The following WASL variants were observed in gnomAD, a reference collection of about 807,000 sequenced individuals.
The protein encoded by WASL is WASP like actin nucleation promoting factor, also known as actin nucleation-promoting factor WASL.
WASL carries 20 observed loss-of-function variants against 55.5 expected under a neutral mutation model. That is an observed-to-expected ratio of 0.36 (90% CI 0.25 to 0.52). WASL has a LOEUF of 0.52. Ranked by LOEUF, WASL falls within the 20% of genes least tolerant of loss-of-function variation. The pLI, the probability that WASL is intolerant of heterozygous loss-of-function variation, is 0.92. For synonymous variants in WASL, 249 were observed against 217.6 expected (o/e 1.14, Z -1.27); for missense variants, 504 against 622.5 (o/e 0.81, Z 2.03).
Position 123,696,673 on chromosome 7 carries a change from C to G in WASL, c.535G>C (p.Val179Leu), listed in dbSNP as rs768007010. ...ITTNRFYGPQ[V>L]NNISHTKEKK... ...TCTTTGGTATGGGAGATGTTGTTGACTTGTGGACCATAAAATCTATTTGTT... is the reference window on the plus strand; with the variant it reads ...TCTTTGGTATGGGAGATGTTGTTGAGTTGTGGACCATAAAATCTATTTGTT... Residue 179 changes from valine (V) to leucine (L), a missense_variant, in exon 6 of 11, where the codon GTC (valine) becomes CTC (leucine). Coordinates refer to ENST00000223023, the MANE Select transcript of WASL (RefSeq NM_003941.4). 1 of 1,605,346 alleles carries G rather than the reference C, an allele frequency of 6.2e-7. No individual in the cohort carries two copies. Among genetic ancestry groups the G allele is most frequent in the East Asian group, 2.3e-5 (1 of 44,240 alleles).
Position 123,739,364 on chromosome 7 carries a change from C to T in WASL, c.117+9254G>A, listed in dbSNP as rs558586899. 2.2e-3 allele frequency among the ~76,000 whole-genome samples: 337 copies of T among 152,324 alleles called. 1 individual carries two copies. The highest frequency in any genetic ancestry group is 0.017 in the Middle Eastern group (5 of 294). On this transcript the variant is annotated intron_variant, in intron 1 of 10. Transcript: ENST00000223023. ...TTCTATACACATTTTCTATCCCAAA[C>T]TTTTGTTTACACATTTCCTGATATA...
In WASL at chr7:123,706,071, GATA is replaced by G. The variant is rs1420023742; in HGVS notation, c.436+203_436+205del. 5.9e-5 allele frequency among the ~76,000 whole-genome samples: 9 copies of G among 152,180 alleles called. No individual in the cohort carries two copies. In the East Asian group the frequency reaches 7.7e-4, roughly 13 times the overall value. ...TTTTTTGTAAATAGTAAATATTTCA[GATA>G]ATAATTTTGGCTTTGAGGACCATAT... On this transcript the variant is annotated intron_variant, in intron 4 of 10. Coordinates refer to ENST00000223023, the MANE Select transcript of WASL (RefSeq NM_003941.4).
rs1384574815 is a variant in WASL at position 123,696,663 on chromosome 7, ATGT to A, written c.542_544del (p.Asn181del). On this transcript the variant is annotated inframe_deletion, in exon 6 of 11. Transcript: ENST00000223023. Reference sequence around the variant, plus strand: ...CTTCTTCTTTTCTTTGGTATGGGAGATGTTGTTGACTTGTGGACCATAAAATCT... The same window carrying A: ...CTTCTTCTTTTCTTTGGTATGGGAGATGTTGACTTGTGGACCATAAAATCT... The A allele has an allele frequency of 5.0e-6, 8 of 1,607,584 alleles. No homozygotes were observed. Among genetic ancestry groups the A allele is most frequent in the South Asian group, 1.1e-5 (1 of 90,062 alleles).
At position 123,684,510 on chromosome 7, in the gene WASL, A is replaced by C; in HGVS notation, c.*9T>G. 1.4e-6 allele frequency: 1 copy of C among 707,596 alleles called. No individual in the cohort carries two copies. Among genetic ancestry groups the C allele is most frequent in the Non-Finnish European group, 2.3e-6 (1 of 433,212 alleles). The allele number at this position is 707,596 out of a possible 1,614,324, so 43.8% of individuals were successfully genotyped here. A position where few individuals can be genotyped will look rare whatever the true frequency, so the allele number is the denominator to read the frequency against. ...CCTTAAAAATATATATATATATATA[A>C]TATATAGATCAGTCTTCCCACTCAT... On this transcript the variant is annotated 3_prime_UTR_variant, in exon 11 of 11. Transcript: ENST00000223023.
rs1804283724 is a variant in WASL, at chr7:123,738,923, T to C, written c.117+9695A>G. 3.3e-5 allele frequency among the ~76,000 whole-genome samples: 5 copies of C among 151,424 alleles called. No homozygotes were observed. In the South Asian group the frequency reaches 1.0e-3, roughly 31 times the overall value. The stretch of plus-strand genomic sequence containing the variant: ...AAAAAAAAAACCCAAAATCTCAAAC[T>C]GTTTTAAGAAAGTTTATGAATTTGG... On this transcript the variant is annotated intron_variant, in intron 1 of 10. Transcript: ENST00000223023.
intron 1 of WASL, among the ~76,000 whole-genome samples, chr7:123,716,302 G>A (rs757032528): frequency 3.9e-5 from 6 of 151,992 alleles, no homozygotes; most frequent in Non-Finnish European, 5.9e-5. Flanking sequence ...TGTAACCTCC[G>A]CCTCCCAGGT....
intron 5 of WASL, among the ~76,000 whole-genome samples, chr7:123,698,617 T>C (rs959593443): frequency 2.6e-5 from 4 of 152,146 alleles, no homozygotes; most frequent in African/African-American, 9.7e-5. Flanking sequence ...TAGGAAGTTG[T>C]TGATATGGAT....
intron 5 of WASL, among the ~76,000 whole-genome samples, chr7:123,704,324 T>C (rs1420694402): frequency 1.3e-5 from 2 of 152,220 alleles, no homozygotes; most frequent in African/African-American, 4.8e-5. Context: ...TAGTCAACTG[T>C]GAATCCAGAA....
At chr7:123,715,319 T>C (rs146007889) in intron 1 of WASL, among the ~76,000 whole-genome samples, 51 of 152,284 alleles carry the variant, frequency 3.3e-4, no homozygotes, top group African/African-American at 1.1e-3. Flanking sequence ...AAAGACCACA[T>C]AGAGAGCAAG....
At chr7:123,704,447 T>C (rs1482207003) in intron 5 of WASL, among the ~76,000 whole-genome samples, 187 bp downstream of exon 5, 1 of 152,112 alleles carries the variant, frequency 6.6e-6, no homozygotes, top group Non-Finnish European at 1.5e-5. Context: ...TAATTAAAAA[T>C]AGGAACACAA....
chr7:123,737,817 A>T (rs1240457694), intron 1 of WASL, among the ~76,000 whole-genome samples: 1 of 152,172 alleles, frequency 6.6e-6, no homozygotes, highest in African/African-American at 2.4e-5. Context: ...GAGCTAGGGA[A>T]CTTGATATGA....
intron 1 of WASL, among the ~76,000 whole-genome samples, chr7:123,742,603 CAA>C (rs994394634): frequency 1.3e-5 from 2 of 152,034 alleles, no homozygotes; most frequent in African/African-American, 4.8e-5. Flanking sequence ...AATTGGTTAA[CAA>C]AAGAGAAATT....
At chr7:123,689,593 A>G (rs901217850) in intron 9 of WASL, among the ~76,000 whole-genome samples, 3 of 152,174 alleles carry the variant, frequency 2.0e-5, no homozygotes, top group African/African-American at 7.2e-5. Flanking sequence ...GTAGAAACTT[A>G]TATTTGCCTA....
intron 1 of WASL, among the ~76,000 whole-genome samples, chr7:123,728,961 T>C (rs1804098301): frequency 6.6e-6 from 1 of 152,204 alleles, no homozygotes. Flanking sequence ...ACATGTGTAC[T>C]TCTTCAATAA....
At chr7:123,718,358 C>G (rs142695797) in intron 1 of WASL, among the ~76,000 whole-genome samples, 1 of 152,238 alleles carries the variant, frequency 6.6e-6, no homozygotes, top group East Asian at 1.9e-4. Context: ...AGAAAACAAA[C>G]AACTATCTAA....
chr7:123,737,244 C>T (rs1399379646), intron 1 of WASL, among the ~76,000 whole-genome samples: 1 of 152,142 alleles, frequency 6.6e-6, no homozygotes, highest in African/African-American at 2.4e-5. Context: ...ACATGCAGCC[C>T]ATGGGCCACG....
chr7:123,745,360 T>C (rs1341629869), intron 1 of WASL, among the ~76,000 whole-genome samples: 1 of 152,160 alleles, frequency 6.6e-6, no homozygotes, highest in Non-Finnish European at 1.5e-5. Context: ...AAGTCAAATA[T>C]GATCTTGTGA....
At chr7:123,715,687 G>T (rs1213674971) in intron 1 of WASL, among the ~76,000 whole-genome samples, 2 of 152,064 alleles carry the variant, frequency 1.3e-5, no homozygotes, top group African/African-American at 4.8e-5. Context: ...ATATACAAAA[G>T]CCATATGGAA....
chr7:123,687,025 T>A (rs1803303359), intron 10 of WASL, among the ~76,000 whole-genome samples: 1 of 152,274 alleles, frequency 6.6e-6, no homozygotes, highest in East Asian at 1.9e-4. Flanking sequence ...TCAAATTTAA[T>A]ATGTAAAATC....
Sources: allele counts gnomAD v4.1 joint callset (sites outside exome capture counted in the v4.1 genomes callset), GRCh38; gene constraint gnomAD v4.1.1; transcripts MANE v1.5; gene names NCBI Gene and HGNC (gene_info 2026-07-23, HGNC 2026-07-21).